The following CDKAL1 variants were observed in gnomAD, a reference collection of about 807,000 sequenced individuals.
The protein encoded by CDKAL1 is CDKAL1 threonylcarbamoyladenosine tRNA methylthiotransferase, also known as threonylcarbamoyladenosine tRNA methylthiotransferase.
Under a neutral mutation model 68.2 loss-of-function variants are expected in CDKAL1, and 32 were observed. That is an observed-to-expected ratio of 0.47 (90% CI 0.35 to 0.63). CDKAL1 has a LOEUF of 0.63. Ranked by LOEUF, CDKAL1 falls within the 30% of genes least tolerant of loss-of-function variation. The pLI is 0.00. For synonymous variants in CDKAL1, 234 were observed against 244.3 expected (o/e 0.96, Z 0.39); for missense variants, 606 against 696.7 (o/e 0.87, Z 1.47).
At chr6:21,141,213 C>T (rs1350084991) in intron 13 of CDKAL1, among the ~76,000 whole-genome samples, 1 of 152,250 alleles carries the variant, frequency 6.6e-6, no homozygotes, top group Non-Finnish European at 1.5e-5. Flanking sequence ...TCATGCCAAG[C>T]TCTGTCTACT....
chr6:20,943,077 C>A (rs1408268862), intron 9 of CDKAL1, among the ~76,000 whole-genome samples: 1 of 150,034 alleles, frequency 6.7e-6, no homozygotes, highest in South Asian at 2.1e-4. Flanking sequence ...TTGTTTCTCT[C>A]CTGTTTAAAG....
intron 13 of CDKAL1, among the ~76,000 whole-genome samples, chr6:21,152,659 C>T (rs1776466753): frequency 6.6e-6 from 1 of 152,342 alleles, no homozygotes; most frequent in East Asian, 1.9e-4. Flanking sequence ...TACTTATTTA[C>T]TGCCCGTAAT....
At chr6:20,716,048 A>G (rs568979831) in intron 5 of CDKAL1, among the ~76,000 whole-genome samples, 2 of 152,308 alleles carry the variant, frequency 1.3e-5, no homozygotes, top group Admixed American at 6.5e-5. Context: ...ATTTGAAGGG[A>G]AAAGGATTTG....
intron 7 of CDKAL1, among the ~76,000 whole-genome samples, chr6:20,774,954 A>G (rs1454772255): frequency 6.6e-6 from 1 of 152,216 alleles, no homozygotes; most frequent in East Asian, 1.9e-4. Flanking sequence ...ACTCAGAGAG[A>G]TGTTTATTAA....
chr6:21,134,001 A>G (rs543473784), intron 13 of CDKAL1, among the ~76,000 whole-genome samples: 1 of 152,326 alleles, frequency 6.6e-6, no homozygotes, highest in South Asian at 2.1e-4. Flanking sequence ...GCTGCAATAC[A>G]GATTAATTTT....
chr6:21,031,270 A>C (rs12526927), intron 11 of CDKAL1, among the ~76,000 whole-genome samples: 8,169 of 151,608 alleles, frequency 0.054, 375 homozygotes, highest in East Asian at 0.18. Flanking sequence ...GATCGTTTAC[A>C]ACATGGGTGT....
intron 13 of CDKAL1, among the ~76,000 whole-genome samples, chr6:21,173,476 T>G (rs1055821573): frequency 2.6e-5 from 4 of 152,218 alleles, no homozygotes; most frequent in African/African-American, 9.6e-5. Flanking sequence ...GTTCATTTGT[T>G]CAAGAAGTTT....
intron 10 of CDKAL1, among the ~76,000 whole-genome samples, chr6:20,996,663 A>G (rs1277700605): frequency 6.6e-6 from 1 of 152,208 alleles, no homozygotes; most frequent in East Asian, 1.9e-4. Context: ...ATCACATCAG[A>G]TACAGTAATA....
chr6:21,093,395 T>G (rs562165195), intron 12 of CDKAL1, among the ~76,000 whole-genome samples: 5 of 152,048 alleles, frequency 3.3e-5, no homozygotes, highest in Non-Finnish European at 7.4e-5. Context: ...AACAAGAGAG[T>G]AAGCTAAGAA....
At chr6:20,929,522 A>G (rs1386560756) in intron 9 of CDKAL1, among the ~76,000 whole-genome samples, 1 of 152,104 alleles carries the variant, frequency 6.6e-6, no homozygotes, top group Non-Finnish European at 1.5e-5. Context: ...AGCAGATTGG[A>G]TGTTTTTTGT....
At chr6:20,673,689 G>A (rs557011149) in intron 5 of CDKAL1, among the ~76,000 whole-genome samples, 3 of 152,142 alleles carry the variant, frequency 2.0e-5, no homozygotes, top group Non-Finnish European at 4.4e-5. Flanking sequence ...TCATGATAGT[G>A]CATGAGTCTC....
intron 8 of CDKAL1, among the ~76,000 whole-genome samples, chr6:20,804,226 A>G (rs960140150): frequency 6.6e-6 from 1 of 152,228 alleles, no homozygotes; most frequent in African/African-American, 2.4e-5. Flanking sequence ...TGTGCCAGCT[A>G]TGATGGTAGG....
chr6:21,068,331 TATC>T (rs1167479465), intron 12 of CDKAL1, among the ~76,000 whole-genome samples: 2 of 152,212 alleles, frequency 1.3e-5, no homozygotes, highest in Non-Finnish European at 2.9e-5. Flanking sequence ...CTAGAAATTT[TATC>T]ATTTTGCCTT....
chr6:21,019,313 C>T (rs558081303), intron 11 of CDKAL1, among the ~76,000 whole-genome samples: 2 of 152,210 alleles, frequency 1.3e-5, no homozygotes, highest in Admixed American at 1.3e-4. Flanking sequence ...TTTAGTCTGT[C>T]CTCACCTTGA....
chr6:21,163,800 A>G (rs376396100), intron 13 of CDKAL1, among the ~76,000 whole-genome samples: 11 of 152,070 alleles, frequency 7.2e-5, no homozygotes, highest in East Asian at 5.8e-4. Flanking sequence ...AAAAATACCA[A>G]AATCAGCCAG....
intron 10 of CDKAL1, chr6:20,993,463 C>T (rs147325883): frequency 3.9e-5 from 6 of 152,174 alleles, no homozygotes; most frequent in East Asian, 3.9e-4. Flanking sequence ...TGGATGTAAA[C>T]GCATCTCAAT....
intron 11 of CDKAL1, among the ~76,000 whole-genome samples, chr6:21,041,711 G>A (rs2150895736): frequency 6.7e-6 from 1 of 149,666 alleles, no homozygotes; most frequent in Non-Finnish European, 1.5e-5. Context: ...AAAGGTTTTT[G>A]TATAGCATTT....
chr6:20,838,627 C>G (rs1778053246), intron 8 of CDKAL1, among the ~76,000 whole-genome samples: 1 of 152,112 alleles, frequency 6.6e-6, no homozygotes, highest in Non-Finnish European at 1.5e-5. Context: ...GGGTGTGGGA[C>G]TTTGTCTCCC....
At chr6:20,903,978 G>C (rs1762121051) in intron 9 of CDKAL1, among the ~76,000 whole-genome samples, 1 of 152,152 alleles carries the variant, frequency 6.6e-6, no homozygotes, top group Non-Finnish European at 1.5e-5. Context: ...GGTTATGTTT[G>C]GTCCTTAGCA....
Sources: allele counts gnomAD v4.1 joint callset (sites outside exome capture counted in the v4.1 genomes callset), GRCh38; gene constraint gnomAD v4.1.1; transcripts MANE v1.5; gene names NCBI Gene and HGNC (gene_info 2026-07-23, HGNC 2026-07-21).